The following PCDH15 variants were observed in gnomAD, a reference collection of about 807,000 sequenced individuals.
PCDH15 encodes the protein protocadherin-15.
PCDH15 carries 129 observed loss-of-function variants against 178.5 expected under a neutral mutation model. The ratio of observed to expected loss-of-function variants is 0.72; its 90% confidence interval spans 0.63 to 0.84. The LOEUF (loss-of-function observed/expected upper bound fraction) is 0.84, where lower values mean the gene tolerates loss of function less well. Among genes scored for constraint, PCDH15 ranks in the 40% least tolerant of loss-of-function variants. The pLI is 0.00. For synonymous variants in PCDH15, 800 were observed against 732.0 expected (o/e 1.09, Z -1.50); for missense variants, 2,230 against 2,099.9 (o/e 1.06, Z -1.21).
intron 8 of PCDH15, among the ~76,000 whole-genome samples, chr10:54,258,939 T>C (rs907180882): frequency 2.6e-5 from 4 of 152,286 alleles, no homozygotes; most frequent in Admixed American, 6.5e-5. Context: ...AATGAATGCA[T>C]GCAGTTTTCA....
intron 32 of PCDH15, chr10:53,822,712 A>AGAATGAGAAGTG: frequency 1.2e-6 from 2 of 1,614,064 alleles, no homozygotes; most frequent in Non-Finnish European, 1.7e-6. Context: ...GGCAAAGTGG[A>AGAATGAGAAGTG]GAATGAGAAG....
chr10:55,149,505 TG>T, intron 2 of PCDH15, among the ~76,000 whole-genome samples: 1 of 152,106 alleles, frequency 6.6e-6, no homozygotes, highest in South Asian at 2.1e-4. Context: ...TGTTATTACA[TG>T]GGGGGAAACT....
At chr10:53,842,866 C>A (rs750416637) in intron 28 of PCDH15, among the ~76,000 whole-genome samples, 11 of 152,156 alleles carry the variant, frequency 7.2e-5, no homozygotes, top group Non-Finnish European at 1.3e-4. Flanking sequence ...ATACTTTGGT[C>A]TAACAATTTA....
At chr10:54,631,199 G>T (rs1590694383) in intron 2 of PCDH15, among the ~76,000 whole-genome samples, 1 of 151,950 alleles carries the variant, frequency 6.6e-6, no homozygotes, top group African/African-American at 2.4e-5. Flanking sequence ...AAAATGTGTG[G>T]CACTTCCCCA....
At chr10:55,136,913 C>T (rs1838210730) in intron 2 of PCDH15, among the ~76,000 whole-genome samples, 1 of 152,034 alleles carries the variant, frequency 6.6e-6, no homozygotes, top group South Asian at 2.1e-4. Flanking sequence ...CTGCAAAGTG[C>T]CTCCAATACG....
At chr10:53,833,278 C>T (rs943313909) in intron 29 of PCDH15, among the ~76,000 whole-genome samples, 1 of 152,024 alleles carries the variant, frequency 6.6e-6, no homozygotes, top group Non-Finnish European at 1.5e-5. Flanking sequence ...TATCCAAACT[C>T]TCTAAAGTAA....
chr10:54,823,225 A>ACG (rs34514503), intron 3 of PCDH15, among the ~76,000 whole-genome samples: 16 of 100,436 alleles, frequency 1.6e-4, no homozygotes, highest in Non-Finnish European at 2.9e-4. Context: ...ACACACACAC[A>ACG]CGCACACGCA....
intron 13 of PCDH15, among the ~76,000 whole-genome samples, chr10:54,157,289 T>G (rs2045256610): frequency 1.3e-5 from 2 of 152,224 alleles, no homozygotes; most frequent in African/African-American, 4.8e-5. Flanking sequence ...CAACCAGGTG[T>G]TTCCATACAT....
intron 3 of PCDH15, among the ~76,000 whole-genome samples, chr10:54,429,683 C>A (rs936180540): frequency 5.9e-5 from 9 of 152,022 alleles, no homozygotes; most frequent in African/African-American, 2.2e-4. Context: ...GCAGGAGTAT[C>A]TATACTCATA....
chr10:54,557,131 T>C (rs2087390148), intron 2 of PCDH15, among the ~76,000 whole-genome samples: 1 of 152,164 alleles, frequency 6.6e-6, no homozygotes, highest in Non-Finnish European at 1.5e-5. Context: ...AGTGGGTAAT[T>C]ACAGTGGGTA....
intron 2 of PCDH15, among the ~76,000 whole-genome samples, chr10:55,143,159 T>C (rs1418651772): frequency 6.6e-6 from 1 of 151,842 alleles, no homozygotes; most frequent in Non-Finnish European, 1.5e-5. Context: ...ATTGTAAGTT[T>C]CCTGTGACCC....
At chr10:53,856,130 G>A (rs1413693620) in intron 28 of PCDH15, among the ~76,000 whole-genome samples, 1 of 151,352 alleles carries the variant, frequency 6.6e-6, no homozygotes, top group African/African-American at 2.4e-5. Context: ...TCAGGGGAAA[G>A]GGTGGGATGG....
chr10:55,305,936 T>C (rs1843411796), intron 1 of PCDH15, among the ~76,000 whole-genome samples: 1 of 152,332 alleles, frequency 6.6e-6, no homozygotes, highest in African/African-American at 2.4e-5. Context: ...TAATGAATAA[T>C]TTAAATTGCA....
intron 6 of PCDH15, among the ~76,000 whole-genome samples, chr10:54,336,472 G>A (rs974386699): frequency 5.3e-5 from 8 of 152,230 alleles, no homozygotes; most frequent in East Asian, 1.9e-4. Context: ...CTAGGAACTC[G>A]GTGCCCCGTG....
At chr10:54,860,293 C>T (rs1953816506) in intron 3 of PCDH15, among the ~76,000 whole-genome samples, 1 of 152,018 alleles carries the variant, frequency 6.6e-6, no homozygotes, top group African/African-American at 2.4e-5. Flanking sequence ...AGCCCTTGCC[C>T]CTTCCCCCTC....
chr10:54,097,058 T>C (rs577632892), intron 15 of PCDH15, among the ~76,000 whole-genome samples: 1 of 152,294 alleles, frequency 6.6e-6, no homozygotes, highest in East Asian at 1.9e-4. Flanking sequence ...TCTCATTATT[T>C]CTGGAAAGAT....
At chr10:55,625,253 T>G (rs900585910) in intron 2 of PCDH15, among the ~76,000 whole-genome samples, 3 of 152,218 alleles carry the variant, frequency 2.0e-5, no homozygotes, top group African/African-American at 7.2e-5. Context: ...TGATAAAATT[T>G]TGGTATTTGA....
At chr10:54,379,922 A>G (rs1452527864) in intron 3 of PCDH15, among the ~76,000 whole-genome samples, 1 of 152,116 alleles carries the variant, frequency 6.6e-6, no homozygotes, top group African/African-American at 2.4e-5. Flanking sequence ...AGCACTCAAG[A>G]ATATACAGAG....
chr10:53,986,216 T>TA (rs747620076), intron 21 of PCDH15, among the ~76,000 whole-genome samples: 54 of 152,132 alleles, frequency 3.5e-4, no homozygotes, highest in Non-Finnish European at 6.2e-4. Flanking sequence ...CAACAGTACA[T>TA]AAAAATGTGC....
Sources: allele counts gnomAD v4.1 joint callset (sites outside exome capture counted in the v4.1 genomes callset), GRCh38; gene constraint gnomAD v4.1.1; transcripts MANE v1.5; gene names NCBI Gene and HGNC (gene_info 2026-07-23, HGNC 2026-07-21).